The following MGST1 variants were observed in gnomAD, a reference collection of about 807,000 sequenced individuals.
MGST1 encodes glutathione S-transferase 12.
MGST1 carries 5 observed loss-of-function variants against 8.9 expected under a neutral mutation model. The observed-to-expected ratio is 0.56, with a 90% CI of 0.29 to 1.19. The LOEUF (loss-of-function observed/expected upper bound fraction) is 1.19. Among genes scored for constraint, MGST1 ranks in the 50% most tolerant of loss-of-function variants. The probability of loss-of-function intolerance (pLI) is 0.08; values close to 1 mark genes in which losing one functional copy is unlikely to be tolerated. For missense variants in MGST1, 182 were observed against 187.4 expected, an observed-to-expected ratio of 0.97 and a Z score of 0.17; for synonymous variants, 54 against 67.8, an observed-to-expected ratio of 0.80 and a Z score of 1.00.
intron 1 of MGST1, among the ~76,000 whole-genome samples, chr12:16,396,135 C>T (rs540446015): frequency 4.0e-4 from 61 of 152,044 alleles, no homozygotes; most frequent in African/African-American, 1.4e-3. Flanking sequence ...TTATTATGGC[C>T]ATTCTTGCAG....
chr12:16,590,603 TA>T (rs1285946453), downstream of MGST1, among the ~76,000 whole-genome samples: 4,064 of 147,940 alleles, frequency 0.027, 181 homozygotes, highest in African/African-American at 0.093. Context: ...ACCTAAGAAT[TA>T]AAAAAAAAAA....
At position 16,560,903 on chromosome 12, in the gene MGST1, T is replaced by C. The variant is rs1469938541; in HGVS notation, n.483-28625T>C. The C allele has an allele frequency of 2.1e-5, 4 of 189,734 alleles. No individual in the cohort carries two copies. Among genetic ancestry groups the C allele is most frequent in the Non-Finnish European group, 3.4e-5 (3 of 88,980 alleles). 11.8% of individuals were successfully genotyped at this position (189,734 alleles called of 1,614,324 possible). A position where few individuals can be genotyped will look rare whatever the true frequency, so the allele number is the denominator to read the frequency against. On this transcript the variant is annotated intron_variant and non_coding_transcript_variant, in intron 4 of 4. Transcript: ENST00000538857. The surrounding 1 kb of genome is among the most constrained non-coding windows in gnomAD (Gnocchi z 5.0). ...TGCTCTTAATGTTATATATTAAACA[T>C]TTTAGTTGGGAAAGGAACCAACTAA... is the stretch of plus-strand genomic sequence containing the variant.
intron 4 of MGST1, among the ~76,000 whole-genome samples, chr12:16,543,027 C>A (rs76690968): frequency 0.043 from 6,592 of 152,254 alleles, 511 homozygotes; most frequent in African/African-American, 0.15. Context: ...TCCCCCAGTG[C>A]TTTGTAGATA....
At chr12:16,531,345 T>A (rs1205111840) in intron 4 of MGST1, among the ~76,000 whole-genome samples, 1 of 152,152 alleles carries the variant, frequency 6.6e-6, no homozygotes, top group East Asian at 1.9e-4. Context: ...TTAACATCAG[T>A]GTTTTGCTTT....
At chr12:16,472,923 C>T (rs976618770) in intron 4 of MGST1, among the ~76,000 whole-genome samples, 89 of 152,142 alleles carry the variant, frequency 5.8e-4, no homozygotes, top group African/African-American at 2.0e-3. Context: ...ATCCTTGCAT[C>T]GGTTTCTTAG....
At chr12:16,359,613 TAAAAA>T (rs1283347758) in intron 3 of MGST1, among the ~76,000 whole-genome samples, 4 of 151,468 alleles carry the variant, frequency 2.6e-5, no homozygotes, top group African/African-American at 9.7e-5. Flanking sequence ...CGAAAAAAAA[TAAAAA>T]AAAGTGAGTG....
Position 16,560,400 on chromosome 12 carries a change from G to C in MGST1, n.483-29128G>C. On this transcript the variant is annotated intron_variant and non_coding_transcript_variant, in intron 4 of 4. Transcript: ENST00000538857. The surrounding 1 kb of genome is among the most constrained non-coding windows in gnomAD (Gnocchi z 5.0). ...TTAACCATTTCTTAGAGACCAAAAA[G>C]AGACCTGCTTACCTCTGATTACAAA... The C allele has an allele frequency of 6.2e-7, 1 of 1,610,042 alleles. No individual in the cohort carries two copies.
chr12:16,405,354 A>G (rs961256129), intron 1 of MGST1, among the ~76,000 whole-genome samples: 1 of 152,148 alleles, frequency 6.6e-6, no homozygotes, highest in African/African-American at 2.4e-5. Flanking sequence ...CCACCCTCCC[A>G]TGACTGAACC....
At chr12:16,450,547 G>T (rs1941120549) in intron 4 of MGST1, among the ~76,000 whole-genome samples, 1 of 151,900 alleles carries the variant, frequency 6.6e-6, no homozygotes, top group African/African-American at 2.4e-5. Flanking sequence ...TCTAGGGAGA[G>T]GAGTGAGAAA....
chr12:16,542,685 C>A (rs1012478451), intron 4 of MGST1, among the ~76,000 whole-genome samples: 1 of 152,144 alleles, frequency 6.6e-6, no homozygotes, highest in South Asian at 2.1e-4. Flanking sequence ...TTAACTCTTT[C>A]TTTGGTTTTT....
In MGST1 at chr12:16,523,841, G is replaced by C. The variant is rs566119583; in HGVS notation, n.483-65687G>C. The stretch of plus-strand genomic sequence containing the variant: ...AAGAGAAGAGATCTCAGAATGCATT[G>C]CATTGTCAGCATTGTTAGAATAAGC... On this transcript the variant is annotated intron_variant and non_coding_transcript_variant, in intron 4 of 4. Transcript: ENST00000538857. Among the ~76,000 whole-genome samples, 11 of 152,116 alleles carry C rather than the reference G, an allele frequency of 7.2e-5. No individual in the cohort carries two copies. The East Asian group carries it at 2.1e-3, about 29-fold the overall frequency.
intron 4 of MGST1, among the ~76,000 whole-genome samples, chr12:16,465,069 C>T (rs966370857): frequency 1.3e-5 from 2 of 152,176 alleles, no homozygotes; most frequent in African/African-American, 4.8e-5. Context: ...CCAGCCAGGT[C>T]TCCAGATGTA....
chr12:16,571,247 TTAAC>T (rs1942803963), intron 4 of MGST1, among the ~76,000 whole-genome samples: 1 of 152,088 alleles, frequency 6.6e-6, no homozygotes, highest in Non-Finnish European at 1.5e-5. Flanking sequence ...ATCCTTGTAT[TTAAC>T]TAAGGATATT....
Position 16,497,123 on chromosome 12 carries a change from A to G in MGST1, n.483-92405A>G, listed in dbSNP as rs1941475665. 6.6e-6 allele frequency among the ~76,000 whole-genome samples: 1 copy of G among 152,160 alleles called. No individual in the cohort carries two copies. The highest frequency in any genetic ancestry group is 1.5e-5 in the Non-Finnish European group (1 of 68,008). The stretch of plus-strand genomic sequence containing the variant: ...ATCCTATGCCAGAAGGGAAAAGATG[A>G]GAACCACTGAATCTGCATCCTTTGC... On this transcript the variant is annotated intron_variant and non_coding_transcript_variant, in intron 4 of 4. Coordinates refer to the MGST1 transcript ENST00000538857. The surrounding 1 kb of genome is among the most constrained non-coding windows in gnomAD (Gnocchi z 4.4).
chr12:16,483,093 T>C (rs1189638949), intron 4 of MGST1, among the ~76,000 whole-genome samples: 3 of 152,212 alleles, frequency 2.0e-5, no homozygotes, highest in Non-Finnish European at 4.4e-5. Context: ...TATATGCCCA[T>C]AGATGCCAGG....
At chr12:16,588,259 C>A (rs1201574856) in intron 4 of MGST1, among the ~76,000 whole-genome samples, 2 of 151,618 alleles carry the variant, frequency 1.3e-5, no homozygotes, top group African/African-American at 4.8e-5. Flanking sequence ...TACAAATATA[C>A]AAATTGAAGG....
At chr12:16,427,419 G>T (rs999675196) in intron 1 of MGST1, among the ~76,000 whole-genome samples, 1 of 152,194 alleles carries the variant, frequency 6.6e-6, no homozygotes, top group African/African-American at 2.4e-5. Flanking sequence ...GTCTGGCTTT[G>T]TCACCCAGGC....
intron 3 of MGST1, among the ~76,000 whole-genome samples, chr12:16,373,036 A>T (rs556483012): frequency 2.7e-5 from 4 of 148,744 alleles, no homozygotes. Flanking sequence ...ACTATGTGTT[A>T]CATAATGGAA....
At chr12:16,557,419 A>C (rs1297689982) in intron 4 of MGST1, among the ~76,000 whole-genome samples, 1 of 147,300 alleles carries the variant, frequency 6.8e-6, no homozygotes, top group African/African-American at 2.5e-5. Flanking sequence ...AATGAATGTG[A>C]GGGAATGCGT....
Sources: allele counts gnomAD v4.1 joint callset (sites outside exome capture counted in the v4.1 genomes callset), GRCh38; gene constraint gnomAD v4.1.1; non-coding constraint Gnocchi (gnomAD v3.1); transcripts MANE v1.5; gene names NCBI Gene and HGNC (gene_info 2026-07-23, HGNC 2026-07-21).